MTCL2: variants seen among roughly 807,000 people sequenced by gnomAD.
The protein encoded by MTCL2 is microtubule cross-linking factor 2.
the MTCL2 span, chr20:36,779,588 G>C: frequency 3.9e-5 from 6 of 152,572 alleles, no homozygotes; most frequent in African/African-American, 1.4e-4. Flanking sequence ...GGCAGGGCTG[G>C]TGCCTCCTGA....
chr20:36,803,224 C>T, the MTCL2 span: 5 of 1,423,066 alleles, frequency 3.5e-6, no homozygotes, highest in African/African-American at 1.4e-5. Flanking sequence ...TCAGAAGACC[C>T]CTCACTAGGG....
the MTCL2 span, among the ~76,000 whole-genome samples, chr20:36,853,877 G>A: frequency 1.2e-4 from 18 of 152,328 alleles, 1 homozygote; most frequent in South Asian, 2.9e-3. Flanking sequence ...TGGGGCATTC[G>A]TGTCAGGAAG....
At chr20:36,777,623 T>G in the MTCL2 span, 1 of 460,796 alleles carries the variant, frequency 2.2e-6, no homozygotes. Context: ...AAGACAGAAG[T>G]GGAAAGGAGA....
At chr20:36,794,366 T>C in the MTCL2 span, 3 of 1,610,300 alleles carry the variant, frequency 1.9e-6, no homozygotes, top group Admixed American at 1.7e-5. The surrounding 1 kb of genome is among the most constrained non-coding windows in gnomAD (Gnocchi z 5.4). Flanking sequence ...GTAGCTGCGC[T>C]GCATCTGCCT....
At chr20:36,812,736 G>C in the MTCL2 span, 1 of 1,613,952 alleles carries the variant, frequency 6.2e-7, no homozygotes, top group Non-Finnish European at 8.5e-7. Flanking sequence ...TCTTCAGCTC[G>C]GTAAGGCCTG....
chr20:36,804,944 G>A, the MTCL2 span: 27 of 1,591,452 alleles, frequency 1.7e-5, no homozygotes, highest in Non-Finnish European at 2.6e-6. Context: ...GCCTCTGTGG[G>A]GTAGGGAGGG....
At chr20:36,798,870 A>G in the MTCL2 span, among the ~76,000 whole-genome samples, 3 of 152,036 alleles carry the variant, frequency 2.0e-5, no homozygotes, top group African/African-American at 7.2e-5. Flanking sequence ...ATGTCCCAGA[A>G]CCCTCAGTTC....
chr20:36,804,747 G>A, the MTCL2 span: 5 of 1,613,662 alleles, frequency 3.1e-6, no homozygotes, highest in South Asian at 2.2e-5. Flanking sequence ...GGGAGGTATG[G>A]CCCTTGAGCT....
At chr20:36,863,139 C>A in the MTCL2 span, 1 of 1,392,462 alleles carries the variant, frequency 7.2e-7, no homozygotes, top group Non-Finnish European at 9.4e-7. The surrounding 1 kb of genome is among the most constrained non-coding windows in gnomAD (Gnocchi z 6.2). Context: ...CTTGTCCGGC[C>A]GTGAGGAGAA....
chr20:36,859,670 G>A, the MTCL2 span: 1 of 1,231,750 alleles, frequency 8.1e-7, no homozygotes, highest in Non-Finnish European at 1.0e-6. Flanking sequence ...TACCAGACTG[G>A]AGATCACAGT....
chr20:36,781,676 T>C, the MTCL2 span: 3 of 151,268 alleles, frequency 2.0e-5, no homozygotes, highest in Non-Finnish European at 4.4e-5. Context: ...GGAGACCCCC[T>C]GTCTCTAAAA....
the MTCL2 span, chr20:36,794,073 T>A: frequency 1.9e-6 from 3 of 1,551,342 alleles, no homozygotes; most frequent in Non-Finnish European, 2.6e-6. This position sits in a 1 kb window ranked among gnomAD's most constrained non-coding sequence, Gnocchi z 5.4. Flanking sequence ...TTGCCTGACA[T>A]CTCAAAGTCA....
At chr20:36,778,894 G>C in the MTCL2 span, 2 of 152,282 alleles carry the variant, frequency 1.3e-5, no homozygotes, top group East Asian at 1.9e-4. Flanking sequence ...GGAATGGTTT[G>C]AGTGGCTTCC....
the MTCL2 span, among the ~76,000 whole-genome samples, chr20:36,848,835 TTA>T: frequency 6.6e-6 from 1 of 152,164 alleles, no homozygotes; most frequent in East Asian, 1.9e-4. Context: ...CAAATCATCA[TTA>T]TATGAGTAAT....
At chr20:36,802,143 G>A in the MTCL2 span, among the ~76,000 whole-genome samples, 2 of 151,894 alleles carry the variant, frequency 1.3e-5, no homozygotes, top group Non-Finnish European at 2.9e-5. Flanking sequence ...AAAATTAGCC[G>A]GCTGTGGTAG....
the MTCL2 span, chr20:36,793,222 G>C: frequency 6.5e-7 from 1 of 1,537,620 alleles, no homozygotes; most frequent in African/African-American, 1.4e-5. The surrounding 1 kb of genome is among the most constrained non-coding windows in gnomAD (Gnocchi z 6.8). Context: ...CACCTACTAA[G>C]AGAAAGGACA....
At chr20:36,836,341 ATTTTTTTTTTT>A in the MTCL2 span, among the ~76,000 whole-genome samples, 2 of 85,450 alleles carry the variant, frequency 2.3e-5, no homozygotes, top group South Asian at 3.9e-4. Context: ...CGCCCAGCTA[ATTTTTTTTTTT>A]TTTTTTTTTT....
chr20:36,785,649 G>C, the MTCL2 span: 1 of 985,438 alleles, frequency 1.0e-6, no homozygotes, highest in Non-Finnish European at 1.2e-6. Context: ...TGAGATCAAG[G>C]CAGTGTATTT....
the MTCL2 span, among the ~76,000 whole-genome samples, chr20:36,840,632 G>A: frequency 6.6e-6 from 1 of 151,726 alleles, no homozygotes; most frequent in East Asian, 2.0e-4. Flanking sequence ...GGCGGATCAC[G>A]AGGTTGGATC....
Sources: gnomAD v4.1 joint callset for allele counts (sites outside exome capture counted in the v4.1 genomes callset) on GRCh38, gnomAD v4.1.1 for gene constraint, Gnocchi (gnomAD v3.1) non-coding constraint, MANE v1.5 for transcripts, NCBI Gene and HGNC (gene_info 2026-07-23, HGNC 2026-07-21) for gene names.